MFAP3: variants seen among roughly 807,000 people sequenced by gnomAD.
The protein encoded by MFAP3 is microfibril associated protein 3, also known as microfibril-associated glycoprotein 3.
A neutral mutation model predicts 20.5 loss-of-function variants in MFAP3; 8 were observed. The observed-to-expected ratio is 0.39, with a 90% confidence interval of 0.23 to 0.70. MFAP3 has a LOEUF of 0.70. Ranked by LOEUF, MFAP3 falls within the 30% of genes least tolerant of loss-of-function variation. The pLI, the probability that MFAP3 is intolerant of heterozygous loss-of-function variation, is 0.44. For synonymous variants in MFAP3, 140 were observed against 154.0 expected, an observed-to-expected ratio of 0.91 and a Z score of 0.67; for missense variants, 398 against 444.6, an observed-to-expected ratio of 0.90 and a Z score of 0.94.
At chr5:154,052,862 G>T in intron 2 of MFAP3, 58 bp from the exon 3 acceptor site, 1 of 1,402,554 alleles carries the variant, frequency 7.1e-7, no homozygotes, top group South Asian at 1.3e-5. Flanking sequence ...ATAAGGCAGC[G>T]GGCATATTTA....
chr5:154,039,686 C>T (rs1037735773), intron 1 of MFAP3, among the ~76,000 whole-genome samples: 2 of 152,166 alleles, frequency 1.3e-5, no homozygotes, highest in African/African-American at 4.8e-5. Context: ...AAAGATGCAA[C>T]TCTTCTGTTG....
At chr5:154,048,873 A>T (rs903143859) in intron 1 of MFAP3, among the ~76,000 whole-genome samples, 1 of 152,162 alleles carries the variant, frequency 6.6e-6, no homozygotes, top group African/African-American at 2.4e-5. Context: ...GTCTCTTCGT[A>T]TTGGAGAAAC....
At chr5:154,039,524 G>A (rs1369429606) in intron 1 of MFAP3, among the ~76,000 whole-genome samples, 2 of 152,202 alleles carry the variant, frequency 1.3e-5, no homozygotes, top group African/African-American at 4.8e-5. Context: ...GATGAGGCCA[G>A]GGACTTGAGC....
chr5:154,050,610 C>CTTTTTTTTTTTTTTTTTTTTTTTT (rs11167656), intron 2 of MFAP3, among the ~76,000 whole-genome samples: 31 of 93,286 alleles, frequency 3.3e-4, no homozygotes, highest in Non-Finnish European at 4.1e-4. Flanking sequence ...CCTTCCAGCT[C>CTTTTTTTTTTTTTTTTTTTTTTTT]TTTTTTTTTT....
chr5:154,053,447 C>A lies in MFAP3; in HGVS notation c.823C>A (p.Pro275Thr). 2.5e-6 allele frequency: 4 copies of A among 1,613,936 alleles called. No homozygotes were observed. In the East Asian group the frequency reaches 6.7e-5, roughly 27 times the overall value. ...CCTGGGTGAAAGAATTAAAGAGAGA[C>A]CTGCCTTGAATGCTCAAGGTGGCAT... ...DDLGERIKERPALNAQGGIYV... is the reference protein window; with the variant it reads ...DDLGERIKERTALNAQGGIYV... Residue 275 changes from proline (P) to threonine (T), a missense_variant, in exon 3 of 3, where the codon CCT becomes ACT. By Grantham distance (38) the Pro-to-Thr change is conservative (BLOSUM62 -1). Coordinates refer to ENST00000522782, the MANE Select transcript of MFAP3 (RefSeq NM_005927.5).
intron 1 of MFAP3, chr5:154,039,248 C>G (rs1581855828): frequency 6.6e-6 from 1 of 152,214 alleles, no homozygotes; most frequent in African/African-American, 2.4e-5. Context: ...GGGCCCTGCT[C>G]TCAAGCAGTG....
At chr5:154,040,029 A>G (rs775782119) in intron 1 of MFAP3, among the ~76,000 whole-genome samples, 2 of 152,158 alleles carry the variant, frequency 1.3e-5, no homozygotes, top group Non-Finnish European at 2.9e-5. Flanking sequence ...AAAATGGATC[A>G]TTTCCTCTGA....
chr5:154,051,088 G>A (rs984113392), intron 2 of MFAP3, among the ~76,000 whole-genome samples: 7 of 152,190 alleles, frequency 4.6e-5, no homozygotes, highest in African/African-American at 1.7e-4. Flanking sequence ...CCAAGGGATT[G>A]AAGAGTTTGA....
rs1275696758 is a variant in MFAP3 at position 154,049,575 on chromosome 5, T to C, written c.-148T>C. Reference sequence around the variant, plus strand: ...CTTTTAGGTTCTCTACTCACATCTTTTAATCTTGAAGACTAGAAAATATAA... The same window carrying C: ...CTTTTAGGTTCTCTACTCACATCTTCTAATCTTGAAGACTAGAAAATATAA... On this transcript the variant is annotated 5_prime_UTR_variant, in exon 2 of 3. Coordinates refer to ENST00000522782, the MANE Select transcript of MFAP3 (RefSeq NM_005927.5). 1.3e-6 allele frequency: 1 copy of C among 778,736 alleles called. No individual in the cohort carries two copies. Among genetic ancestry groups the C allele is most frequent in the African/African-American group, 1.8e-5 (1 of 56,710 alleles). The allele number at this position is 778,736 out of a possible 1,614,324, so 48.2% of individuals were successfully genotyped here.
chr5:154,049,866 T>G lies in MFAP3; in HGVS notation c.144T>G (p.Phe48Leu). The change falls in exon 2 of 3, where the codon TTT (phenylalanine) becomes TTG (leucine). Residue 48 changes from phenylalanine (F) to leucine (L), a missense_variant. Coordinates refer to ENST00000522782, the MANE Select transcript of MFAP3 (RefSeq NM_005927.5). Reference sequence around the variant, plus strand: ...ACAATGCATCCTTTCCCTCAAGCTTTGAACTCTCAGCAAGTTCCCACTCGG... The same window carrying G: ...ACAATGCATCCTTTCCCTCAAGCTTGGAACTCTCAGCAAGTTCCCACTCGG... Reference protein sequence around the residue: ...SSYNASFPSSFELSASSHSDD... With the variant: ...SSYNASFPSSLELSASSHSDD... 1 of 1,613,706 alleles carries G rather than the reference T, an allele frequency of 6.2e-7. No homozygotes were observed. The highest frequency in any genetic ancestry group is 1.1e-5 in the South Asian group (1 of 91,076).
chr5:154,052,955 A>T lies in MFAP3; in HGVS notation c.331A>T (p.Ile111Phe). 6.2e-7 allele frequency: 1 copy of T among 1,613,536 alleles called. No homozygotes were observed. Among genetic ancestry groups the T allele is most frequent in the Non-Finnish European group, 8.5e-7 (1 of 1,179,630 alleles). Residue 111 changes from isoleucine (I) to phenylalanine (F), a missense_variant, in exon 3 of 3, where the codon ATC becomes TTC. Ile to Phe is a conservative substitution (Grantham distance 21, BLOSUM62 0). Coordinates refer to ENST00000522782, the MANE Select transcript of MFAP3 (RefSeq NM_005927.5). ...KWLVSDNFLN[I>F]TNVAFDDRGL... ...GTTGGTTTCTGATAACTTCCTAAAC[A>T]TCACCAATGTAGCTTTTGATGACCG...
chr5:154,041,482 A>T (rs1772950369), intron 1 of MFAP3, among the ~76,000 whole-genome samples: 1 of 152,222 alleles, frequency 6.6e-6, no homozygotes, highest in African/African-American at 2.4e-5. Context: ...AAAACTAAAG[A>T]CCAGACTTAA....
At chr5:154,048,544 A>G (rs1295380991) in intron 1 of MFAP3, among the ~76,000 whole-genome samples, 1 of 152,222 alleles carries the variant, frequency 6.6e-6, no homozygotes, top group African/African-American at 2.4e-5. Flanking sequence ...TTTATAAGAC[A>G]TAAAGCTAGG....
At chr5:154,052,579 T>C (rs1189428770) in intron 2 of MFAP3, among the ~76,000 whole-genome samples, 2 of 152,194 alleles carry the variant, frequency 1.3e-5, no homozygotes, top group Non-Finnish European at 2.9e-5. Flanking sequence ...CGGACACATA[T>C]GTATAAACTA....
At chr5:154,045,750 T>C (rs1005479171) in intron 1 of MFAP3, among the ~76,000 whole-genome samples, 4 of 152,198 alleles carry the variant, frequency 2.6e-5, no homozygotes, top group African/African-American at 9.7e-5. Context: ...GCAAGGCTGG[T>C]TAGAGTCACA....
At chr5:154,046,091 A>G (rs1448642594) in intron 1 of MFAP3, among the ~76,000 whole-genome samples, 1 of 152,186 alleles carries the variant, frequency 6.6e-6, no homozygotes, top group Admixed American at 6.5e-5. Context: ...ATTTTTAAAA[A>G]GCTCTCCTGA....
At position 154,053,514 on chromosome 5, in the gene MFAP3, G is replaced by A. The variant is rs1396662277; in HGVS notation, c.890G>A (p.Gly297Glu). The change falls in exon 3 of 3, where the codon GGA becomes GAA. Residue 297 changes from glycine (G) to glutamate (E), a missense_variant. Physicochemically the swap from Gly to Glu is moderately conservative, Grantham distance 98. Coordinates refer to ENST00000522782, the MANE Select transcript of MFAP3 (RefSeq NM_005927.5). Reference protein sequence around the residue: ...NPEMGRSNSPGGDSDDGSLNE... With the variant: ...NPEMGRSNSPEGDSDDGSLNE... ...GAGATGGGACGGAGTAATTCACCAG[G>A]AGGAGATTCAGATGATGGCTCTCTG... The A allele has an allele frequency of 5.0e-6, 8 of 1,613,716 alleles. No homozygotes were observed. The African/African-American group carries it at 8.0e-5, about 16-fold the overall frequency.
rs371882857 is a variant in MFAP3, at chr5:154,049,931, C to T, written c.209C>T (p.Ser70Leu). The change falls in exon 2 of 3, where the codon TCA becomes TTA. Residue 70 changes from serine (S) to leucine (L), a missense_variant. Physicochemically the swap from Ser to Leu is moderately radical, Grantham distance 145 (BLOSUM62 -2). Transcript: ENST00000522782. ...ATAGCCAAAGAGGGAACTAGCGTTT[C>T]AATTGAGTGTCTTCTCACAGCCAGT... ...VIIAKEGTSV[S>L]IECLLTASHY... The T allele has an allele frequency of 2.5e-6, 4 of 1,613,494 alleles. No individual in the cohort carries two copies. In the African/African-American group the frequency reaches 5.3e-5, roughly 22 times the overall value.
Position 154,055,926 on chromosome 5 carries a change from C to T in MFAP3, c.*2213C>T, listed in dbSNP as rs372526967. The stretch of plus-strand genomic sequence containing the variant: ...CCTGGCCAAAAAACATTTTAAATCC[C>T]TTGTCTGGGGGTCAGTCCTCTAAAC... On this transcript the variant is annotated 3_prime_UTR_variant, in exon 3 of 3. Coordinates refer to ENST00000522782, the MANE Select transcript of MFAP3 (RefSeq NM_005927.5). 1.0e-3 allele frequency among the ~76,000 whole-genome samples: 152 copies of T among 152,234 alleles called. No homozygotes were observed. The highest frequency in any genetic ancestry group is 3.3e-3 in the African/African-American group (136 of 41,550).
Sources: allele counts gnomAD v4.1 joint callset (sites outside exome capture counted in the v4.1 genomes callset), GRCh38; gene constraint gnomAD v4.1.1; transcripts MANE v1.5; gene names NCBI Gene and HGNC (gene_info 2026-07-23, HGNC 2026-07-21).